The following WIPI1 variants were observed in gnomAD, a reference collection of about 807,000 sequenced individuals.
WIPI1 encodes WD repeat domain, phosphoinositide interacting 1.
A neutral mutation model predicts 55.3 loss-of-function variants in WIPI1; 45 were observed. The observed-to-expected ratio is 0.81, with a 90% CI of 0.64 to 1.04. The LOEUF (loss-of-function observed/expected upper bound fraction) is 1.04. WIPI1 is among the 50% of genes least tolerant of loss of function. The probability of loss-of-function intolerance (pLI) is 0.00; values close to 1 mark genes in which losing one functional copy is unlikely to be tolerated. For synonymous variants in WIPI1, 195 were observed against 217.6 expected, an observed-to-expected ratio of 0.90 and a Z score of 0.92; for missense variants, 445 against 559.0, an observed-to-expected ratio of 0.80 and a Z score of 2.06.
rs780334658 is a variant in WIPI1, at chr17:68,450,842, C to A, written c.219G>T (p.Val73=). Residue 73 remains valine, a synonymous_variant, in exon 3 of 13, where the codon GTG becomes GTT. Transcript: ENST00000262139. ...VERLFSSSLV[V]VVSHTKPRQM... is the part of the protein sequence containing the mutation. ...GCCGTGGTTTTGTGTGACTGACTAC[C>A]ACCACCAGGCTGCTGGAGAAGAGGC... 1 of 1,614,050 alleles carries A rather than the reference C, an allele frequency of 6.2e-7. No individual in the cohort carries two copies. Among genetic ancestry groups the A allele is most frequent in the Non-Finnish European group, 8.5e-7 (1 of 1,180,026 alleles).
At chr17:68,447,033 C>G (rs1166480231) in intron 3 of WIPI1, among the ~76,000 whole-genome samples, 2 of 152,218 alleles carry the variant, frequency 1.3e-5, no homozygotes, top group Non-Finnish European at 2.9e-5. Flanking sequence ...CCCGCAGAAC[C>G]ATGGTCTTGC....
At chr17:68,426,244 G>C in intron 11 of WIPI1, 69 bp from the exon 12 acceptor site, 11 of 985,744 alleles carry the variant, frequency 1.1e-5, no homozygotes, top group Non-Finnish European at 1.7e-5. Flanking sequence ...CTGGCGGGTG[G>C]GGAGCGGGGG....
At chr17:68,435,303 C>T (rs2083731306) in intron 6 of WIPI1, among the ~76,000 whole-genome samples, 1 of 152,104 alleles carries the variant, frequency 6.6e-6, no homozygotes, top group South Asian at 2.1e-4. Context: ...ATTTGGTTTG[C>T]ACTGTACTGT....
chr17:68,442,070 CA>C (rs2084102820), intron 4 of WIPI1, among the ~76,000 whole-genome samples: 1 of 152,202 alleles, frequency 6.6e-6, no homozygotes, highest in East Asian at 1.9e-4. Context: ...AATAGCCCTG[CA>C]CTTTTAAACC....
Position 68,426,187 on chromosome 17 carries a change from G to A in WIPI1, c.1193-12C>T. ...GTCCTCAGAATAACCTGGAAACCAA[G>A]AAAGAGACATGAAACAAGCACTGGG... On this transcript the variant is annotated splice_polypyrimidine_tract_variant and intron_variant, in intron 11 of 12. Transcript: ENST00000262139. 1 of 1,527,314 alleles carries A rather than the reference G, an allele frequency of 6.5e-7. No homozygotes were observed. Among genetic ancestry groups the A allele is most frequent in the Non-Finnish European group, 8.8e-7 (1 of 1,130,250 alleles). 94.6% of individuals were successfully genotyped at this position (1,527,314 alleles called of 1,614,324 possible). A position where few individuals can be genotyped will look rare whatever the true frequency, so the allele number is the denominator to read the frequency against.
intron 1 of WIPI1, among the ~76,000 whole-genome samples, chr17:68,453,352 C>G (rs1255190865): frequency 1.3e-5 from 2 of 152,200 alleles, no homozygotes. Flanking sequence ...AAAGCTCTAC[C>G]TCCAACACAA....
intron 7 of WIPI1, 22 bp downstream of exon 7, chr17:68,434,534 G>A: frequency 6.2e-7 from 1 of 1,613,084 alleles, no homozygotes; most frequent in Non-Finnish European, 8.5e-7. Flanking sequence ...ACTTTAAAAT[G>A]GGTTTGACAT....
intron 10 of WIPI1, chr17:68,427,601 C>G (rs2083284326): frequency 5.5e-6 from 1 of 180,280 alleles, no homozygotes; most frequent in Non-Finnish European, 1.2e-5. Context: ...AGGTGATCCG[C>G]CCGCCAACTC....
Position 68,437,016 on chromosome 17 carries a change from A to ATGTGTGTGTGTGTGTGTGTGTGTGTG in WIPI1, c.431-538_431-537insCACACACACACACACACACACACACA, listed in dbSNP as rs71142180. Among the ~76,000 whole-genome samples, 7 of 144,660 alleles carry ATGTGTGTGTGTGTGTGTGTGTGTGTG rather than the reference A, an allele frequency of 4.8e-5. No individual in the cohort carries two copies. The East Asian group carries it at 8.0e-4, about 17-fold the overall frequency. The allele number at this position is 144,660 out of a possible 152,430, so 94.9% of individuals were successfully genotyped here. A position where few individuals can be genotyped will look rare whatever the true frequency, so the allele number is the denominator to read the frequency against. ...CTCAAAAAAAAAAAAATATATATAT[A>ATGTGTGTGTGTGTGTGTGTGTGTGTG]TGTGTGTGTGTGTGTGTGTGTATAT... On this transcript the variant is annotated intron_variant, in intron 4 of 12. Transcript: ENST00000262139.
chr17:68,433,464 T>C lies in WIPI1; in HGVS notation c.800+4A>G, dbSNP rs372703302. 8.6e-5 allele frequency: 139 copies of C among 1,613,750 alleles called. No individual in the cohort carries two copies. The highest frequency in any genetic ancestry group is 1.2e-4 in the Non-Finnish European group (137 of 1,179,858). On this transcript the variant is annotated splice_donor_region_variant and intron_variant, in intron 8 of 12. Transcript: ENST00000262139. Reference sequence around the variant, plus strand: ...GAGCATTTGGTGCCCCGCGGAGTACTTGCCTGTTGGTGACCTGTTCCAGCT... The same window carrying C: ...GAGCATTTGGTGCCCCGCGGAGTACCTGCCTGTTGGTGACCTGTTCCAGCT...
chr17:68,440,444 T>C (rs1248477780), intron 4 of WIPI1, among the ~76,000 whole-genome samples: 1 of 152,144 alleles, frequency 6.6e-6, no homozygotes, highest in East Asian at 1.9e-4. Flanking sequence ...AAAATATTAT[T>C]GTATAATATA....
At chr17:68,436,230 G>A in intron 5 of WIPI1, 152 bp downstream of exon 5, 1 of 688,306 alleles carries the variant, frequency 1.5e-6, no homozygotes, top group Non-Finnish European at 2.5e-6. Flanking sequence ...AAGCCCGAGG[G>A]GAAATAGTAT....
chr17:68,454,253 G>A (rs1349941310), intron 1 of WIPI1, among the ~76,000 whole-genome samples: 10 of 152,110 alleles, frequency 6.6e-5, no homozygotes, highest in South Asian at 2.1e-4. Context: ...AATCTGACCC[G>A]GAGCACACTC....
At chr17:68,436,625 G>A in intron 4 of WIPI1, 146 bp from the exon 5 acceptor site, 1 of 668,568 alleles carries the variant, frequency 1.5e-6, no homozygotes, top group Non-Finnish European at 2.5e-6. Flanking sequence ...TTCCGCTGAT[G>A]ATTCTTCTGA....
At chr17:68,450,321 C>T (rs2084449341) in intron 3 of WIPI1, among the ~76,000 whole-genome samples, 1 of 152,202 alleles carries the variant, frequency 6.6e-6, no homozygotes, top group South Asian at 2.1e-4. Flanking sequence ...ATCTCCTGCT[C>T]AGTGGTATTG....
intron 11 of WIPI1, 61 bp downstream of exon 11, chr17:68,427,074 G>A (rs2083245579): frequency 4.3e-6 from 6 of 1,397,124 alleles, no homozygotes; most frequent in Non-Finnish European, 6.1e-6. Context: ...GGAGCGTGCA[G>A]GGAGAAGGGG....
At chr17:68,433,623 TA>T (rs535336693) in intron 7 of WIPI1, 48 bp from the exon 8 acceptor site, 1 of 1,479,352 alleles carries the variant, frequency 6.8e-7, no homozygotes, top group Non-Finnish European at 9.4e-7. Flanking sequence ...AAATGGGAGT[TA>T]TGGCCTTATA....
chr17:68,456,538 T>C (rs1600395567), intron 1 of WIPI1, among the ~76,000 whole-genome samples: 1 of 152,314 alleles, frequency 6.6e-6, no homozygotes, highest in Middle Eastern at 3.4e-3. Flanking sequence ...CACAGAATCC[T>C]GCAGATGCCT....
At chr17:68,434,327 A>G (rs2287300) in intron 7 of WIPI1, among the ~76,000 whole-genome samples, 6 of 152,146 alleles carry the variant, frequency 3.9e-5, no homozygotes, top group Non-Finnish European at 8.8e-5. Flanking sequence ...CCACACACAC[A>G]TCAAAAAGGG....
Sources: allele counts gnomAD v4.1 joint callset (sites outside exome capture counted in the v4.1 genomes callset), GRCh38; gene constraint gnomAD v4.1.1; transcripts MANE v1.5; gene names NCBI Gene and HGNC (gene_info 2026-07-23, HGNC 2026-07-21).